Variants in SPATA46 observed in about 807,000 individuals in gnomAD.
SPATA46 encodes spermatogenesis associated 46.
SPATA46 carries 3 observed loss-of-function variants against 6.2 expected under a neutral mutation model. The observed-to-expected ratio is 0.48, with a 90% CI of 0.22 to 1.25. SPATA46 has a LOEUF of 1.25. SPATA46 is among the 50% of genes most tolerant of loss of function. The pLI is 0.20. For synonymous variants in SPATA46, 117 were observed against 123.3 expected, an observed-to-expected ratio of 0.95 and a Z score of 0.34; for missense variants, 308 against 323.5, an observed-to-expected ratio of 0.95 and a Z score of 0.37.
At position 162,373,949 on chromosome 1, in the gene SPATA46, G is replaced by A. The variant is rs1268117914; in HGVS notation, c.*99C>T. 5.5e-6 allele frequency: 7 copies of A among 1,265,944 alleles called. No individual in the cohort carries two copies. Among genetic ancestry groups the A allele is most frequent in the Non-Finnish European group, 7.7e-6 (7 of 912,772 alleles). The allele number at this position is 1,265,944 out of a possible 1,614,324, so 78.4% of individuals were successfully genotyped here. On this transcript the variant is annotated 3_prime_UTR_variant, in exon 3 of 3. Transcript: ENST00000367935. ...GCCTGGTGTTGCTAGGCAACCATTA[G>A]CCAAAGGTGATGAGAGCCGGGTTCT...
chr1:162,376,573 G>T, intron 1 of SPATA46, 115 bp downstream of exon 1: 1 of 980,244 alleles, frequency 1.0e-6, no homozygotes, highest in Non-Finnish European at 1.5e-6. Flanking sequence ...TTCTCCCCAT[G>T]CGTAATTTGA....
intron 1 of SPATA46, 169 bp downstream of exon 1, chr1:162,376,519 A>G (rs1478620846): frequency 3.0e-6 from 2 of 676,440 alleles, no homozygotes; most frequent in African/African-American, 1.8e-5. Context: ...ATCAATACAC[A>G]GCAGTAACTA....
rs374968419 is a variant in SPATA46 at position 162,374,283 on chromosome 1, T to C, written c.551A>G (p.Lys184Arg). Reference sequence around the variant, plus strand: ...GTACATGCGGCAGCAGGCCACGCACTTGTAGCCATTCTGCTGTGCTGGGTG... The same window carrying C: ...GTACATGCGGCAGCAGGCCACGCACCTGTAGCCATTCTGCTGTGCTGGGTG... ...RWHPAQQNGY[K>R]CVACCRMYPT... Residue 184 changes from lysine (K) to arginine (R), a missense_variant, in exon 3 of 3, where the codon AAG becomes AGG. Transcript: ENST00000367935. The C allele has an allele frequency of 1.0e-4, 161 of 1,614,004 alleles. No individual in the cohort carries two copies. The highest frequency in any genetic ancestry group is 1.5e-4 in the Admixed American group (9 of 60,014).
At position 162,373,544 on chromosome 1, in the gene SPATA46, C is replaced by A. The variant is rs12036432; in HGVS notation, c.*504G>T. 45,283 of 152,510 alleles carry A rather than the reference C, an allele frequency of 0.3. 7,993 individuals carry two copies. The highest frequency in any genetic ancestry group is 0.45 in the East Asian group (2,334 of 5,138). 9.4% of individuals were successfully genotyped at this position (152,510 alleles called of 1,614,324 possible). A position where few individuals can be genotyped will look rare whatever the true frequency, so the allele number is the denominator to read the frequency against. The stretch of plus-strand genomic sequence containing the variant: ...TCAGAGGCATATTTTCCTCCACATT[C>A]CCCCCTCAGAAGATCTACCGTCAAA... On this transcript the variant is annotated 3_prime_UTR_variant, in exon 3 of 3. Coordinates refer to ENST00000367935, the MANE Select transcript of SPATA46 (RefSeq NM_182581.4).
At position 162,376,714 on chromosome 1, in the gene SPATA46, A is replaced by G. The variant is rs1571259873; in HGVS notation, c.77T>C (p.Met26Thr). ...TGGCAGGCTGGTGGCACGAGAGAAC[A>G]TAATGTCGGGAAAAGCACTCAGGGC... ...SSALSAFPDI[M>T]FSRATSLPDI... The change falls in exon 1 of 3, where the codon ATG becomes ACG. Residue 26 changes from methionine to threonine, a missense_variant. Transcript: ENST00000367935. The G allele has an allele frequency of 6.2e-7, 1 of 1,614,130 alleles. No homozygotes were observed. The highest frequency in any genetic ancestry group is 2.2e-5 in the East Asian group (1 of 44,884).
At chr1:162,375,494 G>T in intron 1 of SPATA46, 91 bp from the exon 2 acceptor site, 1 of 960,274 alleles carries the variant, frequency 1.0e-6, no homozygotes. Context: ...CTCAACCTCT[G>T]TACTTCAAGG....
chr1:162,374,368 T>C lies in SPATA46; in HGVS notation c.466A>G (p.Lys156Glu). The C allele has an allele frequency of 6.2e-7, 1 of 1,614,192 alleles. No individual in the cohort carries two copies. The highest frequency in any genetic ancestry group is 1.1e-5 in the South Asian group (1 of 91,076). Residue 156 changes from lysine to glutamate, a missense_variant, in exon 3 of 3, where the codon AAA becomes GAA. By Grantham distance (56) the Lys-to-Glu change is moderately conservative. Coordinates refer to ENST00000367935, the MANE Select transcript of SPATA46 (RefSeq NM_182581.4). ...ENTCPREATKKSRHGLDSITS... is the reference protein window; with the variant it reads ...ENTCPREATKESRHGLDSITS... The stretch of plus-strand genomic sequence containing the variant: ...ATGGAGTCCAGGCCATGCCTGGATT[T>C]CTTGGTGGCTTCTCGAGGGCAAGTG...
chr1:162,374,250 AGGGTG>A lies in SPATA46; in HGVS notation c.579_583del (p.Thr194GlyfsTer50). The A allele has an allele frequency of 6.2e-7, 1 of 1,613,914 alleles. No individual in the cohort carries two copies. Among genetic ancestry groups the A allele is most frequent in the Non-Finnish European group, 8.5e-7 (1 of 1,179,826 alleles). On this transcript the variant is annotated frameshift_variant, in exon 3 of 3. Coordinates refer to ENST00000367935, the MANE Select transcript of SPATA46 (RefSeq NM_182581.4). LOFTEE classifies it low-confidence loss of function (END_TRUNC). ...CTTGATGTGGCTCTTGAGGAAGTCC[AGGGTG>A]GGGTACATGCGGCAGCAGGCCACGC...
At position 162,374,338 on chromosome 1, in the gene SPATA46, A is replaced by T. The variant is rs779237624; in HGVS notation, c.496T>A (p.Ser166Thr). ...CTGGAAGCCATTAGGATGTCCTGGG[A>T]TGTGATGGAGTCCAGGCCATGCCTG... ...KSRHGLDSITSQDILMASRWH... is the reference protein window; with the variant it reads ...KSRHGLDSITTQDILMASRWH... Residue 166 changes from serine (S) to threonine (T), a missense_variant, in exon 3 of 3, where the codon TCC (serine) becomes ACC (threonine). Transcript: ENST00000367935. 31 of 1,613,902 alleles carry T rather than the reference A, an allele frequency of 1.9e-5. 1 individual carries two copies. In the South Asian group the frequency reaches 3.0e-4, roughly 15 times the overall value.
At position 162,373,950 on chromosome 1, in the gene SPATA46, C is replaced by T; in HGVS notation, c.*98G>A. 1.6e-6 allele frequency: 2 copies of T among 1,273,938 alleles called. No individual in the cohort carries two copies. The highest frequency in any genetic ancestry group is 2.2e-6 in the Non-Finnish European group (2 of 921,210). The allele number at this position is 1,273,938 out of a possible 1,614,324, so 78.9% of individuals were successfully genotyped here. A position where few individuals can be genotyped will look rare whatever the true frequency, so the allele number is the denominator to read the frequency against. ...CCTGGTGTTGCTAGGCAACCATTAGCCAAAGGTGATGAGAGCCGGGTTCTG... is the reference window on the plus strand; with the variant it reads ...CCTGGTGTTGCTAGGCAACCATTAGTCAAAGGTGATGAGAGCCGGGTTCTG... On this transcript the variant is annotated 3_prime_UTR_variant, in exon 3 of 3. Coordinates refer to ENST00000367935, the MANE Select transcript of SPATA46 (RefSeq NM_182581.4).
Position 162,376,823 on chromosome 1 carries a change from C to A in SPATA46, c.-33G>T. 6.2e-7 allele frequency: 1 copy of A among 1,609,708 alleles called. No individual in the cohort carries two copies. The highest frequency in any genetic ancestry group is 8.5e-7 in the Non-Finnish European group (1 of 1,178,556). On this transcript the variant is annotated 5_prime_UTR_variant, in exon 1 of 3. Transcript: ENST00000367935. ...CCACTGCGGGGGTACAGAGATCACA[C>A]GCCTGCTCTGGAGAGGCTGGCTGGT...
intron 2 of SPATA46, 92 bp from the exon 3 acceptor site, chr1:162,374,708 A>G (rs949162858): frequency 3.7e-6 from 5 of 1,344,758 alleles, no homozygotes; most frequent in Non-Finnish European, 3.0e-6. Flanking sequence ...AACATCAGGC[A>G]TGACCTCGGT....
In SPATA46 at chr1:162,374,440, C is replaced by T; in HGVS notation, c.394G>A (p.Glu132Lys). Residue 132 changes from glutamate (E) to lysine (K), a missense_variant, in exon 3 of 3, where the codon GAG becomes AAG. Coordinates refer to ENST00000367935, the MANE Select transcript of SPATA46 (RefSeq NM_182581.4). Reference protein sequence around the residue: ...DEGKWDNCLSEDMAENICSSS... With the variant: ...DEGKWDNCLSKDMAENICSSS... ...GAACAGATGTTCTCAGCCATGTCCT[C>T]AGAAAGGCAGTTGTCCCACTTGCCC... 1 of 1,614,230 alleles carries T rather than the reference C, an allele frequency of 6.2e-7. No individual in the cohort carries two copies. Among genetic ancestry groups the T allele is most frequent in the South Asian group, 1.1e-5 (1 of 91,084 alleles).
chr1:162,375,265 C>A (rs768256696), intron 2 of SPATA46, 25 bp downstream of exon 2: 2 of 1,576,688 alleles, frequency 1.3e-6, no homozygotes, highest in Non-Finnish European at 8.7e-7. Flanking sequence ...CACACATTCC[C>A]GCCCAGAGTC....
At chr1:162,375,930 G>A (rs1485111092) in intron 1 of SPATA46, among the ~76,000 whole-genome samples, 1 of 152,204 alleles carries the variant, frequency 6.6e-6, no homozygotes, top group African/African-American at 2.4e-5. Flanking sequence ...GCTGTGTTCA[G>A]TTTGGGGGAC....
rs1571259113 is a variant in SPATA46, at chr1:162,375,783, A to G, written c.104-380T>C. ...GTCACAGGCTGCAGAGCAATGTTCCATGCCCGCTTTGAGGATTGTCCAGTT... is the reference window on the plus strand; with the variant it reads ...GTCACAGGCTGCAGAGCAATGTTCCGTGCCCGCTTTGAGGATTGTCCAGTT... On this transcript the variant is annotated intron_variant, in intron 1 of 2. Transcript: ENST00000367935. Among the ~76,000 whole-genome samples the G allele has an allele frequency of 3.3e-5, 5 of 152,112 alleles. No individual in the cohort carries two copies. The South Asian group carries it at 1.0e-3, about 32-fold the overall frequency.
At chr1:162,374,757 C>T (rs566295623) in intron 2 of SPATA46, 141 bp from the exon 3 acceptor site, 32 of 829,008 alleles carry the variant, frequency 3.9e-5, no homozygotes, top group Middle Eastern at 3.6e-4. Context: ...TGAGAGCAGA[C>T]GCAAGACAGT....
rs370013612 is a variant in SPATA46, at chr1:162,374,265, C to A, written c.569G>T (p.Arg190Leu). The A allele has an allele frequency of 5.0e-6, 8 of 1,613,940 alleles. No homozygotes were observed. The highest frequency in any genetic ancestry group is 6.8e-6 in the Non-Finnish European group (8 of 1,179,870). ...QNGYKCVACC[R>L]MYPTLDFLKS... is the part of the protein sequence containing the mutation. The stretch of plus-strand genomic sequence containing the variant: ...GAGGAAGTCCAGGGTGGGGTACATG[C>A]GGCAGCAGGCCACGCACTTGTAGCC... The change falls in exon 3 of 3, where the codon CGC becomes CTC. Residue 190 changes from arginine (R) to leucine (L), a missense_variant. By Grantham distance (102) the Arg-to-Leu change is moderately radical (BLOSUM62 -2). Transcript: ENST00000367935.
chr1:162,374,851 G>T (rs1013209211), intron 2 of SPATA46, among the ~76,000 whole-genome samples: 1 of 152,168 alleles, frequency 6.6e-6, no homozygotes, highest in Non-Finnish European at 1.5e-5. Context: ...GGCAGGAGAG[G>T]CTGCTTTTAG....
Sources: gnomAD v4.1 joint callset for allele counts (sites outside exome capture counted in the v4.1 genomes callset) on GRCh38, gnomAD v4.1.1 for gene constraint, MANE v1.5 for transcripts, NCBI Gene and HGNC (gene_info 2026-07-23, HGNC 2026-07-21) for gene names.